Variants in IKZF2 observed in about 807,000 individuals in gnomAD.
IKZF2 encodes the protein zinc finger protein Helios.
Under a neutral mutation model 49.2 loss-of-function variants are expected in IKZF2, and 15 were observed. The observed-to-expected ratio is 0.30, with a 90% CI of 0.20 to 0.47. IKZF2 has a LOEUF of 0.47. IKZF2 is among the 20% of genes least tolerant of loss of function. IKZF2 has a pLI of 1.00. For missense variants in IKZF2, 567 were observed against 664.6 expected (o/e 0.85, Z 1.61); for synonymous variants, 227 against 221.4 (o/e 1.03, Z -0.23).
At chr2:213,121,157 C>T (rs1315611939) in intron 4 of IKZF2, among the ~76,000 whole-genome samples, 1 of 152,172 alleles carries the variant, frequency 6.6e-6, no homozygotes, top group Non-Finnish European at 1.5e-5. Context: ...TAGATACTTG[C>T]TGACTGATCA....
chr2:213,106,910 A>C (rs1248633754), intron 4 of IKZF2, among the ~76,000 whole-genome samples: 1 of 152,166 alleles, frequency 6.6e-6, no homozygotes, highest in Non-Finnish European at 1.5e-5. Context: ...CAAAAGTCAA[A>C]AAAATTTTAA....
At chr2:213,110,327 C>T (rs2059660759) in intron 4 of IKZF2, among the ~76,000 whole-genome samples, 1 of 151,826 alleles carries the variant, frequency 6.6e-6, no homozygotes, top group Non-Finnish European at 1.5e-5. Context: ...TCTATCTATA[C>T]ACTCCCAAAC....
rs147535376 is a variant in IKZF2 at position 213,061,553 on chromosome 2, G to C, written c.140-4454C>G. ...ATAAGAATGAAAAGGATAATAAAATGCACAACAGTCATTACATACATTTGT... is the reference window on the plus strand; with the variant it reads ...ATAAGAATGAAAAGGATAATAAAATCCACAACAGTCATTACATACATTTGT... On this transcript the variant is annotated intron_variant, in intron 4 of 8. Coordinates refer to ENST00000434687, the MANE Select transcript of IKZF2 (RefSeq NM_001387220.1). 6.9e-4 allele frequency among the ~76,000 whole-genome samples: 104 copies of C among 150,306 alleles called. 1 individual carries two copies. In the East Asian group the frequency reaches 0.014, roughly 20 times the overall value.
At chr2:213,088,038 G>C (rs910253355) in intron 4 of IKZF2, among the ~76,000 whole-genome samples, 3 of 152,186 alleles carry the variant, frequency 2.0e-5, no homozygotes, top group African/African-American at 7.2e-5. Flanking sequence ...GGATGGCTGG[G>C]TCAAATGATA....
At chr2:213,091,023 T>C (rs927921783) in intron 4 of IKZF2, among the ~76,000 whole-genome samples, 8 of 152,104 alleles carry the variant, frequency 5.3e-5, no homozygotes, top group Admixed American at 5.2e-4. Flanking sequence ...GCAGAAGTGA[T>C]TGGGACACTA....
At position 213,004,134 on chromosome 2, in the gene IKZF2, T is replaced by TC. The variant is rs1695133185; in HGVS notation, c.*3225dup. The stretch of plus-strand genomic sequence containing the variant: ...TCTGATCACTCCAACTGCTTTTTTT[T>TC]CCATGAATTCTCTTTAAAAGAATGT... On this transcript the variant is annotated 3_prime_UTR_variant, in exon 9 of 9. Transcript: ENST00000434687. 2 of 151,858 alleles carry TC rather than the reference T, an allele frequency of 1.3e-5. No individual in the cohort carries two copies. Among genetic ancestry groups the TC allele is most frequent in the African/African-American group, 2.4e-5 (1 of 41,426 alleles). The allele number at this position is 151,858 out of a possible 1,614,324, so 9.4% of individuals were successfully genotyped here. A position where few individuals can be genotyped will look rare whatever the true frequency, so the allele number is the denominator to read the frequency against.
chr2:213,113,189 T>G (rs7579484), intron 4 of IKZF2, among the ~76,000 whole-genome samples: 134,036 of 152,136 alleles, frequency 0.88, 59,253 homozygotes, highest in African/African-American at 0.91. Flanking sequence ...AATCATTAAG[T>G]TGTCTCTTTT....
In IKZF2 at chr2:213,147,828, A is replaced by G. The variant is rs1164895782; in HGVS notation, c.35-16T>C. ...TCATTGTCACCTGCTTTCACAAAATATAATCTTTTGGTTTCTATTCATTGT... is the reference window on the plus strand; with the variant it reads ...TCATTGTCACCTGCTTTCACAAAATGTAATCTTTTGGTTTCTATTCATTGT... On this transcript the variant is annotated splice_polypyrimidine_tract_variant and intron_variant, in intron 3 of 8. Coordinates refer to ENST00000434687, the MANE Select transcript of IKZF2 (RefSeq NM_001387220.1). The G allele has an allele frequency of 1.9e-6, 3 of 1,586,158 alleles. No individual in the cohort carries two copies. In the African/African-American group the frequency reaches 4.0e-5, roughly 21 times the overall value.
intron 4 of IKZF2, among the ~76,000 whole-genome samples, chr2:213,124,771 G>A (rs1297497587): frequency 6.6e-6 from 1 of 152,136 alleles, no homozygotes; most frequent in East Asian, 1.9e-4. Context: ...GTGTTTCCAA[G>A]GAATTCAACT....
chr2:213,031,571 C>T (rs1184912891), intron 6 of IKZF2, among the ~76,000 whole-genome samples: 1 of 152,164 alleles, frequency 6.6e-6, no homozygotes, highest in Non-Finnish European at 1.5e-5. Context: ...TTGGCATCTA[C>T]TTTTCTATCA....
At chr2:213,026,710 T>C (rs2125144321) in intron 6 of IKZF2, among the ~76,000 whole-genome samples, 1 of 152,266 alleles carries the variant, frequency 6.6e-6, no homozygotes, top group Non-Finnish European at 1.5e-5. Context: ...ATTTTTTTAA[T>C]GCATGCAAAG....
intron 4 of IKZF2, among the ~76,000 whole-genome samples, chr2:213,068,707 C>CATAG (rs1292224520): frequency 6.6e-6 from 1 of 151,914 alleles, no homozygotes; most frequent in East Asian, 1.9e-4. Context: ...TTCTGAGGGT[C>CATAG]ATAGGTAAAA....
intron 4 of IKZF2, among the ~76,000 whole-genome samples, chr2:213,116,829 T>C (rs1237258262): frequency 6.6e-6 from 1 of 152,198 alleles, no homozygotes; most frequent in Non-Finnish European, 1.5e-5. Flanking sequence ...CTTTTACTTG[T>C]GCATGTTCCC....
chr2:213,150,501 AC>A (rs1488650772), intron 1 of IKZF2: 2 of 186,076 alleles, frequency 1.1e-5, no homozygotes, highest in Non-Finnish European at 2.2e-5. Flanking sequence ...TCCTCCTTCC[AC>A]CCCTCCCCCT....
At chr2:213,088,758 AAAAT>A (rs925027389) in intron 4 of IKZF2, among the ~76,000 whole-genome samples, 1 of 152,216 alleles carries the variant, frequency 6.6e-6, no homozygotes, top group African/African-American at 2.4e-5. Context: ...ACTCTGTCTC[AAAAT>A]AAATAAATAA....
chr2:213,025,655 T>C (rs6758517), intron 6 of IKZF2, among the ~76,000 whole-genome samples: 36,006 of 152,092 alleles, frequency 0.24, 4,726 homozygotes, highest in Non-Finnish European at 0.29. Flanking sequence ...AAATCCATAC[T>C]TGCAACTGCC....
intron 8 of IKZF2, among the ~76,000 whole-genome samples, chr2:213,010,775 G>A (rs1695862178): frequency 6.6e-6 from 1 of 152,078 alleles, no homozygotes; most frequent in Non-Finnish European, 1.5e-5. Context: ...CTGCCAAGGT[G>A]TAGTGTAGAG....
At chr2:213,100,789 G>T (rs138717204) in intron 4 of IKZF2, among the ~76,000 whole-genome samples, 3 of 151,980 alleles carry the variant, frequency 2.0e-5, no homozygotes, top group East Asian at 1.9e-4. Context: ...CTTTTTAAAG[G>T]CCAGGTACTT....
At chr2:213,062,197 C>T (rs1375448886) in intron 4 of IKZF2, among the ~76,000 whole-genome samples, 1 of 151,448 alleles carries the variant, frequency 6.6e-6, no homozygotes, top group Non-Finnish European at 1.5e-5. Context: ...CTGGAAACAC[C>T]ATACATAGTA....
Sources: gnomAD v4.1 joint callset for allele counts (sites outside exome capture counted in the v4.1 genomes callset) on GRCh38, gnomAD v4.1.1 for gene constraint, MANE v1.5 for transcripts, NCBI Gene and HGNC (gene_info 2026-07-23, HGNC 2026-07-21) for gene names.